ADGRL3: variants seen among roughly 807,000 people sequenced by gnomAD.
The protein encoded by ADGRL3 is calcium-independent alpha-latrotoxin receptor 3.
ADGRL3 carries 62 observed loss-of-function variants against 153.5 expected under a neutral mutation model. The observed-to-expected ratio is 0.40, with a 90% CI of 0.33 to 0.50. The LOEUF is 0.50. Ranked by LOEUF, ADGRL3 falls within the 20% of genes least tolerant of loss-of-function variation. ADGRL3 has a pLI of 0.47. For missense variants in ADGRL3, 1,641 were observed against 1,859.4 expected (o/e 0.88, Z 2.16); for synonymous variants, 710 against 672.5 (o/e 1.06, Z -0.86).
intron 9 of ADGRL3, among the ~76,000 whole-genome samples, chr4:61,834,059 C>A (rs1349443041): frequency 6.7e-6 from 1 of 150,274 alleles, no homozygotes; most frequent in Non-Finnish European, 1.5e-5. Context: ...TGGTGTGCTG[C>A]ACCCATTAAC....
chr4:61,306,193 G>C (rs2094779251), intron 1 of ADGRL3, among the ~76,000 whole-genome samples: 1 of 152,046 alleles, frequency 6.6e-6, no homozygotes, highest in South Asian at 2.1e-4. Flanking sequence ...TGCCCCCTGG[G>C]TTCACGCCAT....
chr4:61,688,189 G>C lies in ADGRL3; in HGVS notation c.583+11254G>C, dbSNP rs377298899. Among the ~76,000 whole-genome samples, 25 of 152,186 alleles carry C rather than the reference G, an allele frequency of 1.6e-4. 1 individual carries two copies. The highest frequency in any genetic ancestry group is 6.0e-4 in the African/African-American group (25 of 41,552). ...CTAAAACAGAAACAAATACAGGATA[G>C]AATAGTAAGTGATTTGGAGAAAAAA... On this transcript the variant is annotated intron_variant, in intron 6 of 26. Transcript: ENST00000683033.
chr4:61,293,567 A>G (rs1440526576), intron 1 of ADGRL3, among the ~76,000 whole-genome samples: 1 of 152,194 alleles, frequency 6.6e-6, no homozygotes, highest in African/African-American at 2.4e-5. Flanking sequence ...TGCTGCATAT[A>G]ATATTAGTAA....
At chr4:61,817,149 A>ACCCCCCCC (rs34121977) in intron 9 of ADGRL3, among the ~76,000 whole-genome samples, 1 of 104,706 alleles carries the variant, frequency 9.6e-6, no homozygotes, top group Non-Finnish European at 2.0e-5. Context: ...AGGTCTGCAG[A>ACCCCCCCC]CCCCCCCCCC....
At chr4:61,962,689 A>G (rs2098992411) in intron 17 of ADGRL3, among the ~76,000 whole-genome samples, 1 of 152,192 alleles carries the variant, frequency 6.6e-6, no homozygotes, top group African/African-American at 2.4e-5. Context: ...GTTACTATCA[A>G]TTTAGTCATT....
intron 2 of ADGRL3, among the ~76,000 whole-genome samples, chr4:61,494,678 A>T (rs1377830199): frequency 6.6e-6 from 1 of 152,148 alleles, no homozygotes; most frequent in Non-Finnish European, 1.5e-5. Context: ...ATCTCAACCA[A>T]ATATTTCGTT....
At chr4:62,061,383 AC>A (rs138699640) in intron 25 of ADGRL3, among the ~76,000 whole-genome samples, 3,909 of 152,028 alleles carry the variant, frequency 0.026, 180 homozygotes, top group African/African-American at 0.091. Context: ...GTGAAACTAT[AC>A]TGCAATATCA....
At chr4:61,491,857 G>T (rs1025701539) in intron 2 of ADGRL3, among the ~76,000 whole-genome samples, 1 of 152,002 alleles carries the variant, frequency 6.6e-6, no homozygotes, top group Admixed American at 6.6e-5. Flanking sequence ...TATGGAGAAG[G>T]CTTGTTTTGA....
At chr4:61,253,258 A>C (rs1228537810) in intron 1 of ADGRL3, among the ~76,000 whole-genome samples, 3 of 152,222 alleles carry the variant, frequency 2.0e-5, no homozygotes, top group Admixed American at 6.5e-5. Context: ...TGACTCATGC[A>C]CAAGATTTTC....
chr4:61,856,781 T>A (rs1403829930), intron 9 of ADGRL3, among the ~76,000 whole-genome samples: 1 of 151,568 alleles, frequency 6.6e-6, no homozygotes, highest in Non-Finnish European at 1.5e-5. Context: ...GTTTTTGTAT[T>A]TTTAGTAGAG....
intron 4 of ADGRL3, among the ~76,000 whole-genome samples, chr4:61,534,201 G>A (rs925700552): frequency 9.2e-5 from 14 of 152,084 alleles, no homozygotes; most frequent in Non-Finnish European, 5.9e-5. Flanking sequence ...ATTGCATAAG[G>A]TGTCCTTTCT....
rs1179848079 is a variant in ADGRL3 at position 61,979,682 on chromosome 4, T to G, written c.2925T>G (p.Ser975Arg). Residue 975 changes from serine to arginine, a missense_variant, in exon 18 of 27, where the codon AGT becomes AGG. Physicochemically the swap from Ser to Arg is moderately radical, Grantham distance 110. Coordinates refer to ENST00000683033, the MANE Select transcript of ADGRL3 (RefSeq NM_001387552.1). ...TTTGCTTTTTCCGGGGGCTCCAGAG[T>G]GACCGTAACACCATCCACAAGAACC... ...FTFCFFRGLQ[S>R]DRNTIHKNLC... 3 of 1,613,892 alleles carry G rather than the reference T, an allele frequency of 1.9e-6. No homozygotes were observed. The highest frequency in any genetic ancestry group is 2.5e-6 in the Non-Finnish European group (3 of 1,179,900).
chr4:61,598,201 A>AATT (rs2149485891), intron 5 of ADGRL3, among the ~76,000 whole-genome samples: 1 of 152,306 alleles, frequency 6.6e-6, no homozygotes, highest in South Asian at 2.1e-4. Flanking sequence ...TATGTAGTAT[A>AATT]ATTTTTCATG....
rs769999033 is a variant in ADGRL3 at position 62,070,234 on chromosome 4, C to G, written c.3958C>G (p.Arg1320Gly). 17 of 1,613,456 alleles carry G rather than the reference C, an allele frequency of 1.1e-5. No homozygotes were observed. In the Admixed American group the frequency reaches 2.0e-4, roughly 19 times the overall value. ...GAGCAACTGTGTGCAAATCATAGAC[C>G]GTGGCTATAACCATAACGAGACCGC... ...YLSNCVQIID[R>G]GYNHNETALE... is the part of the protein sequence containing the mutation. The change falls in exon 27 of 27, where the codon CGT becomes GGT. Residue 1320 changes from arginine (R) to glycine (G), a missense_variant. Arg to Gly is a moderately radical substitution (Grantham distance 125). Coordinates refer to ENST00000683033, the MANE Select transcript of ADGRL3 (RefSeq NM_001387552.1).
At chr4:61,446,588 C>A (rs186818498) in intron 2 of ADGRL3, among the ~76,000 whole-genome samples, 2 of 152,060 alleles carry the variant, frequency 1.3e-5, no homozygotes, top group Admixed American at 6.6e-5. Flanking sequence ...GTCTGTCTGG[C>A]GCCATGTTGC....
intron 1 of ADGRL3, among the ~76,000 whole-genome samples, chr4:61,238,654 T>C (rs529864811): frequency 1.6e-4 from 25 of 152,156 alleles, no homozygotes; most frequent in African/African-American, 5.5e-4. Context: ...CAAACCTAGA[T>C]TGAAATTATG....
rs923601699 is a variant in ADGRL3, at chr4:61,617,308, G to A, written c.473+29868G>A. On this transcript the variant is annotated intron_variant, in intron 5 of 26. Coordinates refer to ENST00000683033, the MANE Select transcript of ADGRL3 (RefSeq NM_001387552.1). ...TGTATGTTATTCAAGACAAATGGTA[G>A]CCTTTAGAATTTTTGGTGATTGATT... 3.9e-5 allele frequency among the ~76,000 whole-genome samples: 6 copies of A among 152,186 alleles called. No individual in the cohort carries two copies. The South Asian group carries it at 1.0e-3, about 26-fold the overall frequency.
intron 6 of ADGRL3, among the ~76,000 whole-genome samples, chr4:61,692,137 G>C (rs2095550636): frequency 6.6e-6 from 1 of 152,130 alleles, no homozygotes; most frequent in Admixed American, 6.6e-5. Flanking sequence ...AGTAGATGCT[G>C]TTCATTGAAC....
intron 8 of ADGRL3, among the ~76,000 whole-genome samples, chr4:61,801,715 A>G: frequency 6.6e-6 from 1 of 152,184 alleles, no homozygotes; most frequent in East Asian, 1.9e-4. Flanking sequence ...ATTCCATAAT[A>G]TAACTTGTTT....
Sources: gnomAD v4.1 joint callset for allele counts (sites outside exome capture counted in the v4.1 genomes callset) on GRCh38, gnomAD v4.1.1 for gene constraint, MANE v1.5 for transcripts, NCBI Gene and HGNC (gene_info 2026-07-23, HGNC 2026-07-21) for gene names.